TACR1: variants seen among roughly 807,000 people sequenced by gnomAD.
TACR1 encodes tachykinin receptor 1, also known as substance-P receptor.
A neutral mutation model predicts 35.8 loss-of-function variants in TACR1; 25 were observed. The ratio of observed to expected loss-of-function variants is 0.70; its 90% CI spans 0.51 to 0.98. The LOEUF is 0.98. Among genes scored for constraint, TACR1 ranks in the 50% least tolerant of loss-of-function variants. The pLI, the probability that TACR1 is intolerant of heterozygous loss-of-function variation, is 0.00. For synonymous variants in TACR1, 195 were observed against 206.7 expected, an observed-to-expected ratio of 0.94 and a Z score of 0.48; for missense variants, 478 against 522.9, an observed-to-expected ratio of 0.91 and a Z score of 0.84.
At chr2:75,102,357 C>CT (rs1416147280) in intron 2 of TACR1, among the ~76,000 whole-genome samples, 2 of 152,164 alleles carry the variant, frequency 1.3e-5, no homozygotes, top group African/African-American at 4.8e-5. Context: ...CTTTAAACCA[C>CT]TAAGTTTCGG....
At chr2:75,121,441 A>G (rs1673969896) in intron 1 of TACR1, among the ~76,000 whole-genome samples, 1 of 152,244 alleles carries the variant, frequency 6.6e-6, no homozygotes, top group Non-Finnish European at 1.5e-5. Context: ...TATGGATGAC[A>G]CTTCATTGCA....
intron 2 of TACR1, among the ~76,000 whole-genome samples, chr2:75,055,579 C>T (rs1280347688): frequency 6.6e-6 from 1 of 152,240 alleles, no homozygotes; most frequent in Non-Finnish European, 1.5e-5. Context: ...ACTGACTTCT[C>T]CTACCTGAAA....
At chr2:75,079,351 C>T (rs1049679577) in intron 2 of TACR1, among the ~76,000 whole-genome samples, 1 of 152,170 alleles carries the variant, frequency 6.6e-6, no homozygotes, top group South Asian at 2.1e-4. Flanking sequence ...GTCTTTCTCC[C>T]TTCCAACCCA....
intron 1 of TACR1, among the ~76,000 whole-genome samples, chr2:75,167,727 G>T (rs1244736355): frequency 6.6e-6 from 1 of 152,060 alleles, no homozygotes; most frequent in Non-Finnish European, 1.5e-5. Flanking sequence ...ATATTATGTA[G>T]AACTCTGAAT....
chr2:75,096,202 A>G (rs1255811549), intron 2 of TACR1, among the ~76,000 whole-genome samples: 2 of 152,192 alleles, frequency 1.3e-5, no homozygotes, highest in East Asian at 3.8e-4. Context: ...TCCTCTGGAT[A>G]CCAGCCTTTG....
chr2:75,125,477 G>A (rs997757289), intron 1 of TACR1, among the ~76,000 whole-genome samples: 2 of 152,080 alleles, frequency 1.3e-5, no homozygotes, highest in African/African-American at 2.4e-5. Flanking sequence ...GAGCCACCGC[G>A]CCGGGCCTTT....
intron 2 of TACR1, among the ~76,000 whole-genome samples, chr2:75,099,419 T>C (rs1673489532): frequency 6.6e-6 from 1 of 152,260 alleles, no homozygotes; most frequent in Non-Finnish European, 1.5e-5. Flanking sequence ...TCACATTCAC[T>C]GAACCTGACA....
intron 1 of TACR1, among the ~76,000 whole-genome samples, chr2:75,150,396 G>C (rs979565490): frequency 3.3e-5 from 5 of 152,150 alleles, no homozygotes; most frequent in Non-Finnish European, 5.9e-5. Context: ...AGGGACCCAG[G>C]GGGAGGTAAT....
intron 1 of TACR1, among the ~76,000 whole-genome samples, chr2:75,177,830 T>C (rs2104035998): frequency 6.6e-6 from 1 of 152,332 alleles, no homozygotes; most frequent in East Asian, 1.9e-4. Context: ...TCTCAAGGCA[T>C]GCTTCAACAT....
chr2:75,113,656 T>G (rs1673798519), intron 2 of TACR1, among the ~76,000 whole-genome samples: 1 of 151,820 alleles, frequency 6.6e-6, no homozygotes, highest in Non-Finnish European at 1.5e-5. Context: ...CCCTCTCCAT[T>G]TAATTGCTTT....
intron 1 of TACR1, 109 bp from the exon 2 acceptor site, chr2:75,120,877 T>C: frequency 1.1e-6 from 1 of 880,568 alleles, no homozygotes; most frequent in Non-Finnish European, 1.7e-6. Context: ...CTTTGATTCC[T>C]GATGATTTGT....
intron 1 of TACR1, among the ~76,000 whole-genome samples, chr2:75,175,989 T>C (rs888750600): frequency 1.6e-5 from 2 of 125,530 alleles, no homozygotes; most frequent in African/African-American, 6.2e-5. Flanking sequence ...GACTGTAGCA[T>C]GGCTCACTAT....
chr2:75,060,776 C>T (rs542785259), intron 2 of TACR1, among the ~76,000 whole-genome samples: 15 of 152,076 alleles, frequency 9.9e-5, no homozygotes, highest in Non-Finnish European at 1.9e-4. Flanking sequence ...GGGTGCTCTG[C>T]GGGCCTGGCA....
At chr2:75,102,706 C>T (rs925842235) in intron 2 of TACR1, among the ~76,000 whole-genome samples, 1 of 151,910 alleles carries the variant, frequency 6.6e-6, no homozygotes, top group Non-Finnish European at 1.5e-5. Flanking sequence ...GTGATATTCC[C>T]ACAATTTATA....
At chr2:75,191,680 C>A (rs900480299) in intron 1 of TACR1, among the ~76,000 whole-genome samples, 1 of 152,086 alleles carries the variant, frequency 6.6e-6, no homozygotes, top group African/African-American at 2.4e-5. Flanking sequence ...TTGTAACAAA[C>A]CTTTATGGTA....
intron 2 of TACR1, among the ~76,000 whole-genome samples, chr2:75,097,346 T>G (rs1024653098): frequency 1.3e-5 from 2 of 151,714 alleles, no homozygotes; most frequent in African/African-American, 4.8e-5. Flanking sequence ...CCTTTCCCAC[T>G]CTGGGTTTTC....
rs114427038 is a variant in TACR1, at chr2:75,113,378, T to C, written c.584+7196A>G. On this transcript the variant is annotated intron_variant, in intron 2 of 4. Transcript: ENST00000305249. ...ACTTTCACCTCCTAATTAGGGGCTA[T>C]TGGTATGTAGAGGCCATAAAGCACT... Among the ~76,000 whole-genome samples the C allele has an allele frequency of 6.5e-3, 985 of 152,204 alleles. 10 individuals carry two copies. The highest frequency in any genetic ancestry group is 0.022 in the African/African-American group (932 of 41,528).
At chr2:75,081,775 A>T (rs917405480) in intron 2 of TACR1, among the ~76,000 whole-genome samples, 11 of 152,262 alleles carry the variant, frequency 7.2e-5, no homozygotes, top group Admixed American at 2.6e-4. Flanking sequence ...ATCATTTATT[A>T]GCATGACCTA....
At chr2:75,188,378 A>G (rs1387855035) in intron 1 of TACR1, 1 of 152,228 alleles carries the variant, frequency 6.6e-6, no homozygotes, top group East Asian at 1.9e-4. Flanking sequence ...CAATGTGCAC[A>G]TGAGGTTTTT....
Sources: allele counts gnomAD v4.1 joint callset (sites outside exome capture counted in the v4.1 genomes callset), GRCh38; gene constraint gnomAD v4.1.1; transcripts MANE v1.5; gene names NCBI Gene and HGNC (gene_info 2026-07-23, HGNC 2026-07-21).